Variants in SLC35E3 observed in about 807,000 individuals in gnomAD.
SLC35E3 encodes bladder cancer-overexpressed gene 1 protein.
SLC35E3 carries 28 observed loss-of-function variants against 30.8 expected under a neutral mutation model. That is an observed-to-expected ratio of 0.91 (90% CI 0.67 to 1.25). The LOEUF is 1.25. Ranked by LOEUF, SLC35E3 falls within the 50% of genes most tolerant of loss-of-function variation. The pLI, the probability that SLC35E3 is intolerant of heterozygous loss-of-function variation, is 0.00. For missense variants in SLC35E3, 365 were observed against 375.4 expected (o/e 0.97, Z 0.23); for synonymous variants, 146 against 149.2 (o/e 0.98, Z 0.16).
intron 2 of SLC35E3, among the ~76,000 whole-genome samples, chr12:68,751,278 G>A (rs1230048252): frequency 1.3e-5 from 2 of 148,780 alleles, no homozygotes; most frequent in African/African-American, 2.5e-5. Flanking sequence ...CATTGTCATC[G>A]TGTCCCCCCA....
intron 2 of SLC35E3, among the ~76,000 whole-genome samples, chr12:68,748,889 G>C (rs1878692293): frequency 6.6e-6 from 1 of 152,148 alleles, no homozygotes; most frequent in African/African-American, 2.4e-5. Context: ...TAGGAGTTCA[G>C]TAATAGAGCC....
chr12:68,760,363 C>A (rs1233682801), intron 4 of SLC35E3, among the ~76,000 whole-genome samples: 1 of 152,140 alleles, frequency 6.6e-6, no homozygotes, highest in Non-Finnish European at 1.5e-5. Flanking sequence ...CAATAAAAAA[C>A]AACAACGATA....
Position 68,766,649 on chromosome 12 carries a change from A to G in SLC35E3, c.*1759A>G, listed in dbSNP as rs750461725. On this transcript the variant is annotated 3_prime_UTR_variant, in exon 5 of 5. Transcript: ENST00000398004. ...GACCAGGCTGGAATGCAGTGGCACA[A>G]TCATGGCTCACTGCAGCCTCAGCCT... The G allele has an allele frequency of 1.1e-5, 4 of 363,908 alleles. No individual in the cohort carries two copies. The highest frequency in any genetic ancestry group is 3.9e-5 in the South Asian group (2 of 50,846). The allele number at this position is 363,908 out of a possible 1,614,324, so 22.5% of individuals were successfully genotyped here.
At chr12:68,764,528 A>T (rs1407059819) in intron 4 of SLC35E3, among the ~76,000 whole-genome samples, 176 bp from the exon 5 acceptor site, 2 of 152,086 alleles carry the variant, frequency 1.3e-5, no homozygotes, top group African/African-American at 4.8e-5. Context: ...GCCTCAAGTG[A>T]TCCACCACCT....
chr12:68,756,301 T>A (rs1384599028), intron 3 of SLC35E3, among the ~76,000 whole-genome samples: 24 of 117,120 alleles, frequency 2.0e-4, no homozygotes, highest in South Asian at 2.9e-4. Flanking sequence ...GAAAAGCCAT[T>A]AAAAAAAAAA....
chr12:68,746,901 G>C, intron 1 of SLC35E3, 122 bp downstream of exon 1: 1 of 1,116,216 alleles, frequency 9.0e-7, no homozygotes, highest in Non-Finnish European at 1.3e-6. Context: ...AGTCATCTGT[G>C]GGCATGTGAA....
At position 68,779,966 on chromosome 12, in the gene SLC35E3, A is replaced by C. The variant is rs939993078; in HGVS notation, c.*15076A>C. On this transcript the variant is annotated 3_prime_UTR_variant, in exon 5 of 5. Coordinates refer to ENST00000398004, the MANE Select transcript of SLC35E3 (RefSeq NM_018656.5). ...AGTAAAATTAAATTAAATTAAAAAT[A>C]AGTGGATAAATATGGGTTATGCTGT... is the stretch of plus-strand genomic sequence containing the variant. 6.6e-6 allele frequency: 1 copy of C among 152,110 alleles called. No homozygotes were observed. Among genetic ancestry groups the C allele is most frequent in the African/African-American group, 2.4e-5 (1 of 41,424 alleles). The allele number at this position is 152,110 out of a possible 1,614,324, so 9.4% of individuals were successfully genotyped here.
chr12:68,756,053 G>T (rs12146811), intron 3 of SLC35E3, among the ~76,000 whole-genome samples: 43,593 of 151,876 alleles, frequency 0.29, 6,707 homozygotes, highest in Non-Finnish European at 0.34. Context: ...CCAGTGCTCC[G>T]CTCTGCTTCC....
Position 68,765,662 on chromosome 12 carries a change from A to G in SLC35E3, c.*772A>G, listed in dbSNP as rs1240421441. 1 of 151,464 alleles carries G rather than the reference A, an allele frequency of 6.6e-6. No homozygotes were observed. Among genetic ancestry groups the G allele is most frequent in the Non-Finnish European group, 1.5e-5 (1 of 67,928 alleles). 9.4% of individuals were successfully genotyped at this position (151,464 alleles called of 1,614,324 possible). A position where few individuals can be genotyped will look rare whatever the true frequency, so the allele number is the denominator to read the frequency against. ...TGTGTGTGTGTGTGTGTATACATAT[A>G]TACACATATATACACACACACATAC... On this transcript the variant is annotated 3_prime_UTR_variant, in exon 5 of 5. Transcript: ENST00000398004.
In SLC35E3 at chr12:68,767,606, A is replaced by G. The variant is rs1391994054; in HGVS notation, c.*2716A>G. On this transcript the variant is annotated 3_prime_UTR_variant, in exon 5 of 5. Coordinates refer to ENST00000398004, the MANE Select transcript of SLC35E3 (RefSeq NM_018656.5). The stretch of plus-strand genomic sequence containing the variant: ...TATGTTTTGTGTTTTTTAACACAAT[A>G]AAAATATATATACACACATATAATA... 6.6e-6 allele frequency: 1 copy of G among 152,118 alleles called. No individual in the cohort carries two copies. The highest frequency in any genetic ancestry group is 1.9e-4 in the East Asian group (1 of 5,194). 9.4% of individuals were successfully genotyped at this position (152,118 alleles called of 1,614,324 possible).
rs1879530788 is a variant in SLC35E3 at position 68,768,999 on chromosome 12, T to C, written c.*4109T>C. On this transcript the variant is annotated 3_prime_UTR_variant, in exon 5 of 5. Coordinates refer to ENST00000398004, the MANE Select transcript of SLC35E3 (RefSeq NM_018656.5). The stretch of plus-strand genomic sequence containing the variant: ...GCTCACGCCTGTAATCCCAGCACTT[T>C]GGGAAGCTGAGGTGGGCAGATCACC... 6.6e-6 allele frequency: 1 copy of C among 152,130 alleles called. No individual in the cohort carries two copies. The highest frequency in any genetic ancestry group is 1.5e-5 in the Non-Finnish European group (1 of 68,040). The allele number at this position is 152,130 out of a possible 1,614,324, so 9.4% of individuals were successfully genotyped here.
Position 68,752,193 on chromosome 12 carries a change from A to C in SLC35E3, c.672+3A>C, listed in dbSNP as rs1215128782. 1 of 1,601,126 alleles carries C rather than the reference A, an allele frequency of 6.2e-7. No individual in the cohort carries two copies. Among genetic ancestry groups the C allele is most frequent in the East Asian group, 2.2e-5 (1 of 44,806 alleles). On this transcript the variant is annotated splice_donor_region_variant and intron_variant, in intron 3 of 4. Transcript: ENST00000398004. ...GTCCCTGGTCAGTTTCTGCTTTGGT[A>C]AGTTCTAATTGTTTTGATATCTAAG...
chr12:68,754,304 GT>G (rs1211523523), intron 3 of SLC35E3, among the ~76,000 whole-genome samples: 1 of 151,874 alleles, frequency 6.6e-6, no homozygotes, highest in Non-Finnish European at 1.5e-5. Flanking sequence ...TTTGTTTTGA[GT>G]CAGAGTCTCA....
rs1174384257 is a variant in SLC35E3, at chr12:68,765,279, A to G, written c.*389A>G. On this transcript the variant is annotated 3_prime_UTR_variant, in exon 5 of 5. Coordinates refer to ENST00000398004, the MANE Select transcript of SLC35E3 (RefSeq NM_018656.5). ...TTCAAAAAAAAAAAATTGGTGACAG[A>G]CTCAATGATGGAATGATTTGTCGGA... The G allele has an allele frequency of 6.5e-6, 1 of 152,678 alleles. No homozygotes were observed. Among genetic ancestry groups the G allele is most frequent in the Non-Finnish European group, 1.5e-5 (1 of 68,884 alleles). The allele number at this position is 152,678 out of a possible 1,614,324, so 9.5% of individuals were successfully genotyped here.
chr12:68,753,568 C>G (rs1467909209), intron 3 of SLC35E3, among the ~76,000 whole-genome samples: 1 of 151,998 alleles, frequency 6.6e-6, no homozygotes, highest in African/African-American at 2.4e-5. Flanking sequence ...TCATGGATCT[C>G]TTTTGTATAA....
In SLC35E3 at chr12:68,776,691, G is replaced by GAAA; in HGVS notation, c.*11810_*11812dup. On this transcript the variant is annotated 3_prime_UTR_variant, in exon 5 of 5. Transcript: ENST00000398004. ...ACAGAATGAAACTGTGTCTCAAAAA[G>GAAA]AAAAAAAAAAACAAAAACTAGTAGC... 1 of 144,132 alleles carries GAAA rather than the reference G, an allele frequency of 6.9e-6. No individual in the cohort carries two copies. The highest frequency in any genetic ancestry group is 1.5e-5 in the Non-Finnish European group (1 of 65,428). 8.9% of individuals were successfully genotyped at this position (144,132 alleles called of 1,614,324 possible). A position where few individuals can be genotyped will look rare whatever the true frequency, so the allele number is the denominator to read the frequency against.
chr12:68,754,501 G>A (rs949271699), intron 3 of SLC35E3, among the ~76,000 whole-genome samples: 1 of 151,726 alleles, frequency 6.6e-6, no homozygotes, highest in Non-Finnish European at 1.5e-5. Context: ...GGCCAGGCTG[G>A]TCTTGACCTC....
intron 3 of SLC35E3, among the ~76,000 whole-genome samples, chr12:68,755,935 G>A (rs1168791135): frequency 6.6e-6 from 1 of 152,036 alleles, no homozygotes; most frequent in Non-Finnish European, 1.5e-5. Flanking sequence ...TATTTTTACT[G>A]ATGAGGAAAC....
chr12:68,761,426 G>A (rs1183388401), intron 4 of SLC35E3, among the ~76,000 whole-genome samples: 2 of 152,120 alleles, frequency 1.3e-5, no homozygotes, highest in Non-Finnish European at 2.9e-5. Context: ...AATCACTCAG[G>A]ACTCCTGTGT....
Sources: gnomAD v4.1 joint callset for allele counts (sites outside exome capture counted in the v4.1 genomes callset) on GRCh38, gnomAD v4.1.1 for gene constraint, MANE v1.5 for transcripts, NCBI Gene and HGNC (gene_info 2026-07-23, HGNC 2026-07-21) for gene names.